BAZ2A: variants seen among roughly 807,000 people sequenced by gnomAD.
The protein encoded by BAZ2A is bromodomain adjacent to zinc finger domain protein 2A.
Under a neutral mutation model 199.9 loss-of-function variants are expected in BAZ2A, and 34 were observed. The observed-to-expected ratio is 0.17, with a 90% CI of 0.13 to 0.23. The LOEUF (loss-of-function observed/expected upper bound fraction) is 0.23, where lower values mean the gene tolerates loss of function less well. BAZ2A is among the 10% of genes least tolerant of loss of function. The probability of loss-of-function intolerance (pLI) is 1.00; values close to 1 mark genes in which losing one functional copy is unlikely to be tolerated. For synonymous variants in BAZ2A, 857 were observed against 883.9 expected (o/e 0.97, Z 0.54); for missense variants, 2,002 against 2,391.1 (o/e 0.84, Z 3.39).
rs554722613 is a variant in BAZ2A at position 56,598,542 on chromosome 12, C to A, written c.*76G>T. 222 of 1,531,918 alleles carry A rather than the reference C, an allele frequency of 1.4e-4. 3 individuals are homozygous for A. In the South Asian group the frequency reaches 2.6e-3, roughly 18 times the overall value. The allele number at this position is 1,531,918 out of a possible 1,614,324, so 94.9% of individuals were successfully genotyped here. A position where few individuals can be genotyped will look rare whatever the true frequency, so the allele number is the denominator to read the frequency against. On this transcript the variant is annotated 3_prime_UTR_variant, in exon 29 of 29. Coordinates refer to ENST00000549884, the MANE Select transcript of BAZ2A (RefSeq NM_001300905.2). ...CTTGAGTCTGGACCCAGGGCAGCAT[C>A]AGCAGGTGAAAATGGCAGGTTTTTG...
Position 56,605,238 on chromosome 12 carries a change from G to C in BAZ2A, c.2583C>G (p.Ser861Arg). The C allele has an allele frequency of 6.2e-7, 1 of 1,613,854 alleles. No individual in the cohort carries two copies. Among genetic ancestry groups the C allele is most frequent in the Non-Finnish European group, 8.5e-7 (1 of 1,179,864 alleles). ...GATCAAAGCCCAGCACCTTGCCAAA[G>C]CTATGCAGGAACTCCACAATGGTCA... ...DCLTIVEFLHSFGKVLGFDPA... is the reference protein window; with the variant it reads ...DCLTIVEFLHRFGKVLGFDPA... The change falls in exon 14 of 29, where the codon AGC becomes AGG. Residue 861 changes from serine (S) to arginine (R), a missense_variant. This residue lies in a region of BAZ2A where 1,081 missense variants were observed against 1,274.7 expected (regional missense o/e 0.85). Coordinates refer to ENST00000549884, the MANE Select transcript of BAZ2A (RefSeq NM_001300905.2).
At chr12:56,636,467 G>C, upstream of BAZ2A, 4 of 1,049,328 alleles carry the variant, frequency 3.8e-6, no homozygotes, top group Non-Finnish European at 5.1e-6. Flanking sequence ...GAGAAATATG[G>C]AGGAAGGTTA....
chr12:56,598,848 G>A lies in BAZ2A; in HGVS notation c.5546+20C>T, dbSNP rs758270409. On this transcript the variant is annotated intron_variant, in intron 28 of 28. Coordinates refer to ENST00000549884, the MANE Select transcript of BAZ2A (RefSeq NM_001300905.2). ...TTGCAGCAGTAGCAAAGACCGGGCGGTTCACCCACATCTACTTACCCTCCC... is the reference window on the plus strand; with the variant it reads ...TTGCAGCAGTAGCAAAGACCGGGCGATTCACCCACATCTACTTACCCTCCC... 8 of 1,606,052 alleles carry A rather than the reference G, an allele frequency of 5.0e-6. No individual in the cohort carries two copies. In the African/African-American group the frequency reaches 1.1e-4, roughly 22 times the overall value.
In BAZ2A at chr12:56,597,136, G is replaced by A. The variant is rs1885898009; in HGVS notation, c.*1482C>T. The A allele has an allele frequency of 6.6e-6, 1 of 152,670 alleles. No homozygotes were observed. The highest frequency in any genetic ancestry group is 1.5e-5 in the Non-Finnish European group (1 of 68,112). The allele number at this position is 152,670 out of a possible 1,614,324, so 9.5% of individuals were successfully genotyped here. A position where few individuals can be genotyped will look rare whatever the true frequency, so the allele number is the denominator to read the frequency against. On this transcript the variant is annotated 3_prime_UTR_variant, in exon 29 of 29. Transcript: ENST00000549884. ...GCTGGGAGTCAGCAGCTTTCCTCTC[G>A]TGTTGGGGGCTTAACTTGGACATAG...
intron 1 of BAZ2A, among the ~76,000 whole-genome samples, chr12:56,627,860 GAA>G (rs938764635): frequency 2.0e-5 from 3 of 147,170 alleles, no homozygotes; most frequent in African/African-American, 7.5e-5. Flanking sequence ...AAAGAGAAAA[GAA>G]AAGAGAGAGA....
Position 56,610,498 on chromosome 12 carries a change from T to C in BAZ2A, c.1690A>G (p.Ile564Val). Reference sequence around the variant, plus strand: ...TGCCATCGGTGGCTGCCCTTCTTGATGCGCACCTCTCTCCGCCACCTGCCA... The same window carrying C: ...TGCCATCGGTGGCTGCCCTTCTTGACGCGCACCTCTCTCCGCCACCTGCCA... ...LQHGWRREVR[I>V]KKGSHRWQGE... Residue 564 changes from isoleucine to valine, a missense_variant, in exon 8 of 29, where the codon ATC (isoleucine) becomes GTC (valine). Ile to Val is a conservative substitution (Grantham distance 29). Coordinates refer to ENST00000549884, the MANE Select transcript of BAZ2A (RefSeq NM_001300905.2). 6.2e-7 allele frequency: 1 copy of C among 1,612,654 alleles called. No individual in the cohort carries two copies. The highest frequency in any genetic ancestry group is 2.2e-5 in the East Asian group (1 of 44,844).
intron 9 of BAZ2A, 42 bp from the exon 10 acceptor site, chr12:56,609,988 T>C: frequency 1.9e-6 from 3 of 1,608,018 alleles, no homozygotes; most frequent in Non-Finnish European, 2.5e-6. Flanking sequence ...AAGGAATCAG[T>C]GCAGGCCACG....
chr12:56,618,295 A>G (rs1459249568), intron 1 of BAZ2A, among the ~76,000 whole-genome samples: 2 of 152,168 alleles, frequency 1.3e-5, no homozygotes, highest in Non-Finnish European at 2.9e-5. Flanking sequence ...TTGTGGCTTA[A>G]ATATAAAGAA....
At chr12:56,626,814 A>G (rs1951109114) in intron 1 of BAZ2A, among the ~76,000 whole-genome samples, 1 of 152,212 alleles carries the variant, frequency 6.6e-6, no homozygotes, top group East Asian at 1.9e-4. Context: ...CTGTTCTGTC[A>G]AGTGCCAATT....
chr12:56,614,157 G>C lies in BAZ2A; in HGVS notation c.731-19C>G. On this transcript the variant is annotated intron_variant, in intron 3 of 28. Transcript: ENST00000549884. ...TTCAGTTCTAGGAAATCACAGGAGAGACCAAAAGTCAAAATCAGTGCCTTA... is the reference window on the plus strand; with the variant it reads ...TTCAGTTCTAGGAAATCACAGGAGACACCAAAAGTCAAAATCAGTGCCTTA... 6.2e-7 allele frequency: 1 copy of C among 1,607,124 alleles called. No homozygotes were observed. Among genetic ancestry groups the C allele is most frequent in the South Asian group, 1.1e-5 (1 of 90,834 alleles).
In BAZ2A at chr12:56,600,204, T is replaced by C; in HGVS notation, c.4889A>G (p.Glu1630Gly). Residue 1630 changes from glutamate (E) to glycine (G), a missense_variant, in exon 24 of 29, where the codon GAG becomes GGG. Physicochemically the swap from Glu to Gly is moderately conservative, Grantham distance 98 (BLOSUM62 -2). Transcript: ENST00000549884. Reference sequence around the variant, plus strand: ...ATGGAGGGTGGGAGTCACTCACATCTCTGTAGTGGTGCCCTCAGGGGCACC... The same window carrying C: ...ATGGAGGGTGGGAGTCACTCACATCCCTGTAGTGGTGCCCTCAGGGGCACC... ...PNGAPEGTTTEISYEITPRIR... is the reference protein window; with the variant it reads ...PNGAPEGTTTGISYEITPRIR... 1 of 1,613,762 alleles carries C rather than the reference T, an allele frequency of 6.2e-7. No individual in the cohort carries two copies. The highest frequency in any genetic ancestry group is 1.1e-5 in the South Asian group (1 of 91,090).
In BAZ2A at chr12:56,611,924, A is replaced by G; in HGVS notation, c.1458T>C (p.Ala486=). 6.2e-7 allele frequency: 1 copy of G among 1,611,596 alleles called. No individual in the cohort carries two copies. Among genetic ancestry groups the G allele is most frequent in the South Asian group, 1.1e-5 (1 of 90,582 alleles). ...GAGAGGCTTTTGGGGATGTCACTGA[A>G]GCCGTCAACGGGACTTCTAAGGAGA... ...PAVSLEVPLT[A]SVTSPKASPV... Residue 486 remains alanine, a synonymous_variant, in exon 6 of 29, where the codon GCT becomes GCC. Transcript: ENST00000549884.
chr12:56,598,930 G>A lies in BAZ2A; in HGVS notation c.5484C>T (p.Tyr1828=). ...EPVNPRLVSG[Y]RRIIKNPMDF... ...CCATAGGATTTTTGATGATGCGCCGGTACCCACTCACCAAACGTGGGTTCA... is the reference window on the plus strand; with the variant it reads ...CCATAGGATTTTTGATGATGCGCCGATACCCACTCACCAAACGTGGGTTCA... Residue 1828 remains tyrosine, a synonymous_variant, in exon 28 of 29, where the codon TAC becomes TAT. Transcript: ENST00000549884. 6.2e-7 allele frequency: 1 copy of A among 1,606,920 alleles called. No individual in the cohort carries two copies. The highest frequency in any genetic ancestry group is 8.5e-7 in the Non-Finnish European group (1 of 1,176,786).
upstream of BAZ2A, chr12:56,630,340 A>G: frequency 1.0e-6 from 1 of 957,022 alleles, no homozygotes; most frequent in Non-Finnish European, 1.2e-6. Context: ...TCGGAGCCGG[A>G]GGGGGCGGAG....
chr12:56,609,959 G>T lies in BAZ2A; in HGVS notation c.1882-13C>A. ...CCCACTGCAAGCCCTAAGGTAGCAA[G>T]GGAGACTGTTACAGTAGTAAGGAAT... On this transcript the variant is annotated splice_polypyrimidine_tract_variant and intron_variant, in intron 9 of 28. Coordinates refer to ENST00000549884, the MANE Select transcript of BAZ2A (RefSeq NM_001300905.2). The T allele has an allele frequency of 6.2e-7, 1 of 1,611,296 alleles. No individual in the cohort carries two copies. Among genetic ancestry groups the T allele is most frequent in the East Asian group, 2.2e-5 (1 of 44,856 alleles).
chr12:56,614,820 A>G, intron 3 of BAZ2A, 194 bp downstream of exon 3: 1 of 644,324 alleles, frequency 1.6e-6, no homozygotes, highest in Non-Finnish European at 2.7e-6. Flanking sequence ...AATAATTTGC[A>G]CTCCCACTCG....
rs757528812 is a variant in BAZ2A at position 56,604,730 on chromosome 12, G to A, written c.2818C>T (p.Arg940Cys). The A allele has an allele frequency of 1.9e-6, 3 of 1,613,842 alleles. No individual in the cohort carries two copies. Among genetic ancestry groups the A allele is most frequent in the South Asian group, 2.2e-5 (2 of 91,016 alleles). ...LTRDNVSEIL[R>C]CFLMAYGVEP... ...ACTCCATATGCCATAAGGAAGCAGC[G>A]CAGGATCTCTGACACATTGTCTCTT... Residue 940 changes from arginine (R) to cysteine (C), a missense_variant, in exon 15 of 29, where the codon CGC becomes TGC. Physicochemically the swap from Arg to Cys is radical, Grantham distance 180 (BLOSUM62 -3). Around this residue, in one of 6 missense-constraint regions of BAZ2A, gnomAD observed 1,081 missense variants for 1,274.7 expected, o/e 0.85. Transcript: ENST00000549884.
At chr12:56,629,140 AAAC>A (rs1278573624) in intron 1 of BAZ2A, among the ~76,000 whole-genome samples, 23 of 152,340 alleles carry the variant, frequency 1.5e-4, no homozygotes, top group Admixed American at 1.2e-3. Context: ...GGACATTTCA[AAAC>A]AACAAGACAC....
Position 56,600,370 on chromosome 12 carries a change from G to A in BAZ2A, c.4723C>T (p.Arg1575Cys). The A allele has an allele frequency of 2.5e-6, 4 of 1,614,000 alleles. No individual in the cohort carries two copies. Among genetic ancestry groups the A allele is most frequent in the East Asian group, 2.2e-5 (1 of 44,874 alleles). ...GRGREGLAPQRKTTNPLDLAV... is the reference protein window; with the variant it reads ...GRGREGLAPQCKTTNPLDLAV... Reference sequence around the variant, plus strand: ...AGGTCCAAAGGGTTGGTAGTTTTACGCTGAGGTGCCAGTCCCTCCCTGCCC... The same window carrying A: ...AGGTCCAAAGGGTTGGTAGTTTTACACTGAGGTGCCAGTCCCTCCCTGCCC... Residue 1575 changes from arginine to cysteine, a missense_variant, in exon 24 of 29, where the codon CGT (arginine) becomes TGT (cysteine). Coordinates refer to ENST00000549884, the MANE Select transcript of BAZ2A (RefSeq NM_001300905.2).
Sources: gnomAD v4.1 joint callset for allele counts (sites outside exome capture counted in the v4.1 genomes callset) on GRCh38, gnomAD v4.1.1 for gene constraint, gnomAD v4.1.1 regional missense constraint, MANE v1.5 for transcripts, NCBI Gene and HGNC (gene_info 2026-07-23, HGNC 2026-07-21) for gene names.